The following C12orf76 variants were observed in gnomAD, a reference collection of about 807,000 sequenced individuals.
C12orf76 encodes uncharacterized protein C12orf76.
A neutral mutation model predicts 6.8 loss-of-function variants in C12orf76; 6 were observed. The observed-to-expected ratio is 0.88, with a 90% CI of 0.48 to 1.73. The LOEUF (loss-of-function observed/expected upper bound fraction) is 1.73. Among genes scored for constraint, C12orf76 ranks in the 40% most tolerant of loss-of-function variants. The pLI is 0.01. For missense variants in C12orf76, 99 were observed against 98.2 expected (o/e 1.01, Z -0.03); for synonymous variants, 56 against 43.7 (o/e 1.28, Z -1.11).
At chr12:110,062,790 T>A (rs868696923) in intron 2 of C12orf76, among the ~76,000 whole-genome samples, 42 of 68,528 alleles carry the variant, frequency 6.1e-4, no homozygotes, top group African/African-American at 2.3e-3. Flanking sequence ...CAGCTAATAT[T>A]TTTTTTTTTT....
chr12:110,067,596 G>A lies in C12orf76; in HGVS notation n.100C>T, dbSNP rs191051499. On this transcript the variant is annotated non_coding_transcript_exon_variant, in exon 1 of 5. Coordinates refer to the C12orf76 transcript ENST00000309050. ...GCTCACACTGCTCCGTCATCTTCTC[G>A]AACTCCAGACCTCAGGTGATCCACC... The A allele has an allele frequency of 9.4e-5, 93 of 985,094 alleles. No homozygotes were observed. The African/African-American group carries it at 1.2e-3, about 13-fold the overall frequency. The allele number at this position is 985,094 out of a possible 1,614,324, so 61.0% of individuals were successfully genotyped here.
At chr12:110,064,358 C>T (rs1414753757) in intron 2 of C12orf76, among the ~76,000 whole-genome samples, 2 of 152,094 alleles carry the variant, frequency 1.3e-5, no homozygotes, top group African/African-American at 4.8e-5. Context: ...GGGAGTGGAA[C>T]TCATAATACA....
At chr12:110,063,374 C>T (rs1892807448) in intron 2 of C12orf76, among the ~76,000 whole-genome samples, 1 of 151,994 alleles carries the variant, frequency 6.6e-6, no homozygotes, top group African/African-American at 2.4e-5. Context: ...ACTGCTGCCT[C>T]CCGGGGTCAA....
chr12:110,057,169 A>T, intron 4 of C12orf76: 5 of 1,539,554 alleles, frequency 3.2e-6, no homozygotes, highest in Non-Finnish European at 4.5e-6. Context: ...TCTGAATATA[A>T]GTGACTTTCG....
chr12:110,048,700 A>G (rs1004149139), upstream of C12orf76: 2 of 1,235,278 alleles, frequency 1.6e-6, no homozygotes, highest in African/African-American at 3.1e-5. Flanking sequence ...CCCCGGACCA[A>G]CTTTCCGTTC....
exon 2 of C12orf76, chr12:110,065,932 G>A: frequency 6.2e-7 from 1 of 1,613,770 alleles, no homozygotes; most frequent in Non-Finnish European, 8.5e-7. Flanking sequence ...TGTTCTCTTG[G>A]TCCCGTGTAT....
At position 110,048,404 on chromosome 12, in the gene C12orf76, T is replaced by G; in HGVS notation, c.92A>C (p.Glu31Ala). Reference protein sequence around the residue: ...AEAPSPVDPLERSRPYAVLRG... With the variant: ...AEAPSPVDPLARSRPYAVLRG... ...CAGCACCGCGTACGGCCGGCTCCGC[T>G]CCAGCGGATCCACGGGGCTCGGGGC... is the stretch of plus-strand genomic sequence containing the variant. Residue 31 changes from glutamate to alanine, a missense_variant, in exon 1 of 2, where the codon GAG (glutamate) becomes GCG (alanine). Physicochemically the swap from Glu to Ala is moderately radical, Grantham distance 107. Transcript: ENST00000615315. 1 of 1,516,066 alleles carries G rather than the reference T, an allele frequency of 6.6e-7. No individual in the cohort carries two copies. Among genetic ancestry groups the G allele is most frequent in the Non-Finnish European group, 8.8e-7 (1 of 1,137,192 alleles). The allele number at this position is 1,516,066 out of a possible 1,614,324, so 93.9% of individuals were successfully genotyped here.
chr12:110,067,817 C>G (rs949525361), upstream of C12orf76: 2 of 152,276 alleles, frequency 1.3e-5, no homozygotes, highest in Non-Finnish European at 2.9e-5. Context: ...GAGTCTTTCC[C>G]GGGACTTTCC....
chr12:110,069,727 G>T (rs1892938220), upstream of C12orf76, among the ~76,000 whole-genome samples: 1 of 150,460 alleles, frequency 6.6e-6, no homozygotes. Context: ...ATGATGGAGG[G>T]AACCCCCAGA....
chr12:110,050,877 C>T (rs970692604), upstream of C12orf76: 36 of 623,394 alleles, frequency 5.8e-5, 1 homozygote, highest in South Asian at 5.5e-4. Flanking sequence ...GGGTCTGGAT[C>T]GGGACCCTTT....
At chr12:110,049,846 A>G (rs1448676385), upstream of C12orf76, 1 of 152,150 alleles carries the variant, frequency 6.6e-6, no homozygotes, top group Non-Finnish European at 1.5e-5. Context: ...GTATAGAAGA[A>G]CGTTGTGAAA....
chr12:110,051,375 G>C (rs1892572706), upstream of C12orf76: 2 of 659,882 alleles, frequency 3.0e-6, no homozygotes, highest in Non-Finnish European at 5.5e-6. Context: ...AAACTCCTTT[G>C]CCCAGTATCT....
At position 110,073,092 on chromosome 12, in the gene C12orf76, C is replaced by T. The variant is rs1206028007; in HGVS notation, n.213+330G>A. 2.0e-5 allele frequency among the ~76,000 whole-genome samples: 3 copies of T among 152,282 alleles called. No individual in the cohort carries two copies. The East Asian group carries it at 5.8e-4, about 29-fold the overall frequency. On this transcript the variant is annotated intron_variant and non_coding_transcript_variant, in intron 1 of 1. Coordinates refer to the C12orf76 transcript ENST00000548936. ...ATGCCAGCCTGATCACCAGGAGTGC[C>T]CTGAGATCCTTGCCTCCTCCCTGGG...
chr12:110,068,265 G>GAAGAAGAAGAA (rs1892907290), upstream of C12orf76, among the ~76,000 whole-genome samples: 4 of 112,842 alleles, frequency 3.5e-5, no homozygotes, highest in African/African-American at 1.3e-4. Context: ...AGAAGAAGAA[G>GAAGAAGAAGAA]AAGAAGAAGA....
At chr12:110,060,416 G>C (rs980239203) in intron 2 of C12orf76, among the ~76,000 whole-genome samples, 1 of 151,868 alleles carries the variant, frequency 6.6e-6, no homozygotes, top group Admixed American at 6.6e-5. Context: ...AAACAACAAC[G>C]TCATTGTCAC....
chr12:110,061,990 G>A (rs780487613), intron 2 of C12orf76, among the ~76,000 whole-genome samples: 2 of 152,164 alleles, frequency 1.3e-5, no homozygotes, highest in African/African-American at 2.4e-5. Context: ...AGGGCCCAGC[G>A]TGGTGGCTCA....
intron 1 of C12orf76, among the ~76,000 whole-genome samples, chr12:110,047,553 G>A (rs928749219): frequency 2.6e-5 from 4 of 152,104 alleles, no homozygotes; most frequent in African/African-American, 7.2e-5. Context: ...GGTGGTGCAC[G>A]CCTGTAGTCC....
intron 1 of C12orf76, chr12:110,042,674 G>GAA (rs1181161182): frequency 1.8e-4 from 92 of 513,376 alleles, no homozygotes; most frequent in Admixed American, 6.8e-4. Context: ...GATATACCGT[G>GAA]AAAAAAAAAA....
intron 2 of C12orf76, chr12:110,065,738 A>G (rs1382602883): frequency 1.7e-5 from 26 of 1,551,880 alleles, no homozygotes; most frequent in Non-Finnish European, 2.2e-5. Flanking sequence ...TTCTAGAAAC[A>G]TGAGTCAGAT....
Sources: allele counts gnomAD v4.1 joint callset (sites outside exome capture counted in the v4.1 genomes callset), GRCh38; gene constraint gnomAD v4.1.1; transcripts MANE v1.5; gene names NCBI Gene and HGNC (gene_info 2026-07-23, HGNC 2026-07-21).